Variants in DISC1 observed in about 807,000 individuals in gnomAD.
DISC1 encodes the protein disrupted in schizophrenia 1 protein.
A neutral mutation model predicts 84.5 loss-of-function variants in DISC1; 57 were observed. That is an observed-to-expected ratio of 0.67 (90% CI 0.55 to 0.84). The LOEUF is 0.84. Ranked by LOEUF, DISC1 falls within the 40% of genes least tolerant of loss-of-function variation. DISC1 has a pLI of 0.00. For synonymous variants in DISC1, 411 were observed against 415.2 expected, an observed-to-expected ratio of 0.99 and a Z score of 0.12; for missense variants, 1,000 against 1,057.8, an observed-to-expected ratio of 0.95 and a Z score of 0.76.
At chr1:231,635,610 G>C (rs1486037899) in intron 1 of DISC1, among the ~76,000 whole-genome samples, 2 of 152,132 alleles carry the variant, frequency 1.3e-5, no homozygotes, top group East Asian at 1.9e-4. Context: ...GGTTTACTCT[G>C]TTCTCACTGG....
intron 10 of DISC1, among the ~76,000 whole-genome samples, chr1:231,960,968 A>G (rs1001794069): frequency 2.0e-5 from 3 of 152,232 alleles, no homozygotes; most frequent in Non-Finnish European, 4.4e-5. Flanking sequence ...TTACTGGTTT[A>G]TTATAAAGGA....
At chr1:231,840,217 A>T (rs1325219863) in intron 9 of DISC1, among the ~76,000 whole-genome samples, 3 of 152,290 alleles carry the variant, frequency 2.0e-5, no homozygotes, top group Admixed American at 6.5e-5. Context: ...GGGTTGTAAG[A>T]GTAGAGCCAT....
At chr1:231,732,879 C>T (rs185111467) in intron 3 of DISC1, among the ~76,000 whole-genome samples, 63 of 96,582 alleles carry the variant, frequency 6.5e-4, no homozygotes, top group Admixed American at 5.9e-3. Context: ...GATGATAGTA[C>T]GTGTGAGAGA....
At chr1:231,665,386 G>A (rs1028289852) in intron 1 of DISC1, among the ~76,000 whole-genome samples, 8 of 152,160 alleles carry the variant, frequency 5.3e-5, no homozygotes, top group African/African-American at 1.9e-4. Context: ...TACTGATGCT[G>A]GAAGTGCTCC....
At chr1:231,816,492 C>T (rs553460007) in intron 8 of DISC1, among the ~76,000 whole-genome samples, 1 of 152,256 alleles carries the variant, frequency 6.6e-6, no homozygotes, top group East Asian at 1.9e-4. Context: ...CTTGCCTACT[C>T]CAAAGTCAAT....
intron 10 of DISC1, among the ~76,000 whole-genome samples, chr1:232,004,796 C>T (rs1407527772): frequency 2.0e-5 from 3 of 152,122 alleles, no homozygotes; most frequent in African/African-American, 4.8e-5. Flanking sequence ...TCCTGCACTC[C>T]TGCTCCAGTG....
At chr1:231,659,770 A>G (rs1312403864) in intron 1 of DISC1, among the ~76,000 whole-genome samples, 2 of 152,094 alleles carry the variant, frequency 1.3e-5, no homozygotes, top group Non-Finnish European at 2.9e-5. Flanking sequence ...TTCAGTTTCC[A>G]TGTAGTTGTG....
chr1:231,690,618 G>A (rs1480452315), intron 1 of DISC1, among the ~76,000 whole-genome samples: 3 of 152,160 alleles, frequency 2.0e-5, no homozygotes, highest in Admixed American at 6.5e-5. Flanking sequence ...ATATGTAAGT[G>A]AGAATTGATT....
At chr1:231,948,955 C>T (rs770387831) in intron 9 of DISC1, among the ~76,000 whole-genome samples, 1 of 150,394 alleles carries the variant, frequency 6.6e-6, no homozygotes, top group Non-Finnish European at 1.5e-5. Context: ...CTGCAACCTC[C>T]GCCTCCTGGG....
chr1:231,844,787 CA>C (rs1163998840), intron 9 of DISC1, among the ~76,000 whole-genome samples: 1 of 151,658 alleles, frequency 6.6e-6, no homozygotes, highest in African/African-American at 2.4e-5. Context: ...ATTAGCCGGA[CA>C]TTGTGGTGGG....
chr1:231,714,383 G>C (rs1335144492), intron 3 of DISC1, among the ~76,000 whole-genome samples: 2 of 152,094 alleles, frequency 1.3e-5, no homozygotes, highest in East Asian at 3.9e-4. Context: ...GGGGCAACTG[G>C]ATTTTCACAT....
At chr1:231,840,310 T>C (rs544728100) in intron 9 of DISC1, among the ~76,000 whole-genome samples, 1 of 152,300 alleles carries the variant, frequency 6.6e-6, no homozygotes, top group African/African-American at 2.4e-5. Flanking sequence ...GGTACTTATT[T>C]ATCCTCTAGA....
chr1:231,838,487 C>T (rs59502578), intron 9 of DISC1, among the ~76,000 whole-genome samples: 1 of 152,156 alleles, frequency 6.6e-6, no homozygotes, highest in African/African-American at 2.4e-5. Context: ...GAGAAAAAAA[C>T]CCCCTCCATG....
intron 11 of DISC1, among the ~76,000 whole-genome samples, chr1:232,013,243 C>CCCAG (rs1668190859): frequency 6.6e-6 from 1 of 152,178 alleles, no homozygotes; most frequent in Admixed American, 6.5e-5. Flanking sequence ...GACTTCTCAT[C>CCCAG]CCAGCTGCTT....
At chr1:231,667,396 A>G (rs575494004) in intron 1 of DISC1, among the ~76,000 whole-genome samples, 1 of 152,316 alleles carries the variant, frequency 6.6e-6, no homozygotes, top group Admixed American at 6.5e-5. Context: ...CCTGTTCCTG[A>G]TAAGCTGCAG....
intron 9 of DISC1, among the ~76,000 whole-genome samples, chr1:231,832,867 A>T (rs1443987775): frequency 1.4e-5 from 2 of 144,668 alleles, no homozygotes; most frequent in African/African-American, 5.2e-5. Context: ...TTATAAGGAG[A>T]GTTTATAGGC....
At chr1:231,800,865 C>CAATTA (rs774334387) in intron 8 of DISC1, among the ~76,000 whole-genome samples, 81 of 151,174 alleles carry the variant, frequency 5.4e-4, no homozygotes, top group Non-Finnish European at 8.1e-4. Context: ...TAAGGTCACT[C>CAATTA]AATTAGCTAA....
intron 9 of DISC1, chr1:231,866,538 A>G (rs1558667716): frequency 5.8e-6 from 5 of 857,014 alleles, no homozygotes; most frequent in Non-Finnish European, 1.0e-5. Flanking sequence ...AAGTACTGTG[A>G]TGCAGAGTCC....
chr1:231,948,660 G>C (rs1189549026), intron 9 of DISC1, among the ~76,000 whole-genome samples: 1 of 151,800 alleles, frequency 6.6e-6, no homozygotes, highest in Non-Finnish European at 1.5e-5. Flanking sequence ...CCGTGTTCTG[G>C]GTACCAAGAA....
Sources: allele counts gnomAD v4.1 joint callset (sites outside exome capture counted in the v4.1 genomes callset), GRCh38; gene constraint gnomAD v4.1.1; transcripts MANE v1.5; gene names NCBI Gene and HGNC (gene_info 2026-07-23, HGNC 2026-07-21).